The following CCDC181 variants were observed in gnomAD, a reference collection of about 807,000 sequenced individuals.
The protein encoded by CCDC181 is coiled-coil domain containing 181, also known as coiled-coil domain-containing protein 181.
A neutral mutation model predicts 58.7 loss-of-function variants in CCDC181; 35 were observed. That is an observed-to-expected ratio of 0.60 (90% CI 0.46 to 0.79). CCDC181 has a LOEUF of 0.79. Among genes scored for constraint, CCDC181 ranks in the 30% least tolerant of loss-of-function variants. The pLI is 0.00. For missense variants in CCDC181, 517 were observed against 583.9 expected (o/e 0.89, Z 1.18); for synonymous variants, 183 against 197.5 (o/e 0.93, Z 0.62).
intron 4 of CCDC181, among the ~76,000 whole-genome samples, chr1:169,399,584 T>TA (rs1655229301): frequency 2.0e-5 from 3 of 151,730 alleles, no homozygotes. Flanking sequence ...TAGAGGAAAA[T>TA]AAAAAATTCT....
At chr1:169,435,281 A>G (rs1657028825) in intron 2 of CCDC181, among the ~76,000 whole-genome samples, 1 of 152,132 alleles carries the variant, frequency 6.6e-6, no homozygotes. Flanking sequence ...AGGTAAATCT[A>G]TAGAGATTGA....
At chr1:169,444,451 T>C (rs1657318556) in intron 2 of CCDC181, among the ~76,000 whole-genome samples, 1 of 152,160 alleles carries the variant, frequency 6.6e-6, no homozygotes, top group South Asian at 2.1e-4. Flanking sequence ...TTCAGTAGCA[T>C]TTTTACAGCA....
Position 169,408,478 on chromosome 1 carries a change from AC to A in CCDC181, c.1215+10534del, listed in dbSNP as rs1166432961. 2.6e-5 allele frequency among the ~76,000 whole-genome samples: 4 copies of A among 152,332 alleles called. No individual in the cohort carries two copies. In the East Asian group the frequency reaches 7.7e-4, roughly 29 times the overall value. On this transcript the variant is annotated intron_variant, in intron 4 of 5. Transcript: ENST00000367806. ...GTGGCTGCGGGCACAGCTTCAGCAGACTTCAATGTCCCTGCCTGCCAGCTCT... is the reference window on the plus strand; with the variant it reads ...GTGGCTGCGGGCACAGCTTCAGCAGATTCAATGTCCCTGCCTGCCAGCTCT...
chr1:169,436,969 A>G (rs1657070101), intron 2 of CCDC181, among the ~76,000 whole-genome samples: 2 of 152,132 alleles, frequency 1.3e-5, no homozygotes, highest in Admixed American at 6.5e-5. Context: ...ATTTCTACAA[A>G]GTGTTGACAT....
chr1:169,450,214 C>T (rs1368896336), intron 2 of CCDC181, among the ~76,000 whole-genome samples: 3 of 152,160 alleles, frequency 2.0e-5, no homozygotes, highest in Non-Finnish European at 4.4e-5. Context: ...CCTTCCCCTA[C>T]AGAGGATAAG....
chr1:169,418,558 A>C (rs1351108639), intron 4 of CCDC181, among the ~76,000 whole-genome samples: 1 of 151,602 alleles, frequency 6.6e-6, no homozygotes, highest in Non-Finnish European at 1.5e-5. Context: ...TTTTTTAGTA[A>C]GAATATGAAT....
At chr1:169,403,105 G>C (rs919752351) in intron 4 of CCDC181, among the ~76,000 whole-genome samples, 3 of 151,942 alleles carry the variant, frequency 2.0e-5, no homozygotes, top group African/African-American at 7.3e-5. Flanking sequence ...CCAATGAGAA[G>C]AGCGAACTAT....
intron 2 of CCDC181, chr1:169,452,622 AT>A (rs1657571838): frequency 6.6e-6 from 1 of 152,106 alleles, no homozygotes; most frequent in African/African-American, 2.4e-5. Context: ...ATATGTGAAA[AT>A]AAGTTTTTAA....
chr1:169,412,677 T>A (rs568433190), intron 4 of CCDC181, among the ~76,000 whole-genome samples: 2 of 152,032 alleles, frequency 1.3e-5, no homozygotes, highest in Non-Finnish European at 2.9e-5. Context: ...AAAACAGATA[T>A]ATAGACCAGT....
chr1:169,421,258 C>CAA, intron 3 of CCDC181, 105 bp downstream of exon 3: 1 of 823,494 alleles, frequency 1.2e-6, no homozygotes, highest in Non-Finnish European at 1.9e-6. Flanking sequence ...ATAAAGCAAT[C>CAA]AAAAAAAGTC....
At chr1:169,456,555 C>T (rs1283749206) in intron 2 of CCDC181, among the ~76,000 whole-genome samples, 1 of 151,978 alleles carries the variant, frequency 6.6e-6, no homozygotes, top group Non-Finnish European at 1.5e-5. Context: ...AAAAATGTGT[C>T]CATTAACAGA....
At chr1:169,460,467 G>T (rs1026724149) in exon 1 of CCDC181, 2 of 152,380 alleles carry the variant, frequency 1.3e-5, no homozygotes, top group Non-Finnish European at 2.9e-5. Flanking sequence ...TCACGTAGGG[G>T]CTGCAGCGCC....
chr1:169,456,208 G>A (rs548472342), intron 2 of CCDC181, among the ~76,000 whole-genome samples: 3 of 152,030 alleles, frequency 2.0e-5, no homozygotes, highest in South Asian at 2.1e-4. Context: ...GAACCTTGCC[G>A]AACTATTCAA....
At chr1:169,416,111 A>G (rs1656201827) in intron 4 of CCDC181, among the ~76,000 whole-genome samples, 1 of 152,220 alleles carries the variant, frequency 6.6e-6, no homozygotes, top group Admixed American at 6.5e-5. Flanking sequence ...GCTAGGCCCC[A>G]GTGGCCTAGA....
At chr1:169,413,174 C>T (rs1335652268) in intron 4 of CCDC181, among the ~76,000 whole-genome samples, 1 of 151,126 alleles carries the variant, frequency 6.6e-6, no homozygotes, top group Non-Finnish European at 1.5e-5. Context: ...AAATTTACAA[C>T]AAAAAACAAA....
Position 169,404,854 on chromosome 1 carries a change from A to G in CCDC181, c.1216-7463T>C, listed in dbSNP as rs561207506. 2.0e-3 allele frequency among the ~76,000 whole-genome samples: 301 copies of G among 152,312 alleles called. 4 individuals are homozygous for G. The highest frequency in any genetic ancestry group is 7.0e-3 in the African/African-American group (290 of 41,566). On this transcript the variant is annotated intron_variant, in intron 4 of 5. Coordinates refer to ENST00000367806, the MANE Select transcript of CCDC181 (RefSeq NM_001300969.2). ...GAAATAAAGTGTATTCAATTAGGAAAAGAGGAAGTCAAATTGTCCCTGTTT... is the reference window on the plus strand; with the variant it reads ...GAAATAAAGTGTATTCAATTAGGAAGAGAGGAAGTCAAATTGTCCCTGTTT...
Position 169,422,274 on chromosome 1 carries a change from T to C in CCDC181, c.157A>G (p.Lys53Glu). 1.3e-6 allele frequency: 2 copies of C among 1,590,300 alleles called. No individual in the cohort carries two copies. Among genetic ancestry groups the C allele is most frequent in the Non-Finnish European group, 1.7e-6 (2 of 1,162,658 alleles). Residue 53 changes from lysine to glutamate, a missense_variant, in exon 3 of 6, where the codon AAA becomes GAA. Transcript: ENST00000367806. The part of the protein sequence containing the change: ...EKEENINQDL[K>E]ENETVMEHTK... ...TGCTCCATTACTGTCTCATTCTCTT[T>C]TAAGTCTTGGTTAATATTCTCTTCC...
chr1:169,397,974 G>T (rs10465576), intron 4 of CCDC181, among the ~76,000 whole-genome samples: 101,638 of 152,004 alleles, frequency 0.67, 34,199 homozygotes, highest in East Asian at 0.93. Flanking sequence ...CTCATCTGTT[G>T]CCTATATCTT....
intron 4 of CCDC181, among the ~76,000 whole-genome samples, chr1:169,398,211 GAA>G (rs893324620): frequency 6.6e-6 from 1 of 152,114 alleles, no homozygotes; most frequent in African/African-American, 2.4e-5. Context: ...TAGATAGGAG[GAA>G]TAAGTTCTGG....
Sources: gnomAD v4.1 joint callset for allele counts (sites outside exome capture counted in the v4.1 genomes callset) on GRCh38, gnomAD v4.1.1 for gene constraint, MANE v1.5 for transcripts, NCBI Gene and HGNC (gene_info 2026-07-23, HGNC 2026-07-21) for gene names.